Variants in TEKT5 observed in about 807,000 individuals in gnomAD.
The protein encoded by TEKT5 is tektin-5.
A neutral mutation model predicts 48.7 loss-of-function variants in TEKT5; 52 were observed. The observed-to-expected ratio is 1.07, with a 90% confidence interval of 0.86 to 1.35. The LOEUF (loss-of-function observed/expected upper bound fraction) is 1.35. TEKT5 is among the 40% of genes most tolerant of loss of function. The probability of loss-of-function intolerance (pLI) is 0.00; values close to 1 mark genes in which losing one functional copy is unlikely to be tolerated. For missense variants in TEKT5, 831 were observed against 641.6 expected (o/e 1.30, Z -3.19); for synonymous variants, 318 against 267.6 (o/e 1.19, Z -1.84).
At chr16:10,685,533 G>C (rs1898848903) in intron 3 of TEKT5, among the ~76,000 whole-genome samples, 1 of 152,128 alleles carries the variant, frequency 6.6e-6, no homozygotes, top group Non-Finnish European at 1.5e-5. Context: ...CTGACCGCAA[G>C]TGATCCACCC....
intron 5 of TEKT5, among the ~76,000 whole-genome samples, chr16:10,637,521 C>A (rs1345996115): frequency 1.3e-5 from 2 of 152,058 alleles, no homozygotes; most frequent in Admixed American, 6.6e-5. Context: ...TTTTATCTGT[C>A]AAGATATTTT....
chr16:10,694,164 A>C, intron 1 of TEKT5, 146 bp downstream of exon 1: 1 of 722,342 alleles, frequency 1.4e-6, no homozygotes, highest in Non-Finnish European at 2.3e-6. Flanking sequence ...GAATTGACTA[A>C]GATTGTATTA....
chr16:10,679,595 G>A (rs1898708676), intron 4 of TEKT5, among the ~76,000 whole-genome samples: 1 of 151,992 alleles, frequency 6.6e-6, no homozygotes, highest in African/African-American at 2.4e-5. Context: ...ACATAGCCCT[G>A]CTTTAAGAAA....
intron 5 of TEKT5, among the ~76,000 whole-genome samples, chr16:10,639,242 G>C (rs1240089476): frequency 6.6e-6 from 1 of 152,130 alleles, no homozygotes; most frequent in Non-Finnish European, 1.5e-5. Context: ...AGGAGTTCAA[G>C]GTTGCAGTGA....
intron 4 of TEKT5, among the ~76,000 whole-genome samples, chr16:10,677,879 C>T (rs79194806): frequency 0.07 from 10,669 of 152,092 alleles, 758 homozygotes; most frequent in African/African-American, 0.17. Context: ...GATAGTCGGC[C>T]ATGCAGGACT....
chr16:10,670,120 G>T (rs1240766090), intron 5 of TEKT5, among the ~76,000 whole-genome samples: 1 of 152,192 alleles, frequency 6.6e-6, no homozygotes, highest in Non-Finnish European at 1.5e-5. Context: ...GTGACCACTT[G>T]GGAAATAACT....
At chr16:10,681,541 C>T (rs1230191266) in intron 4 of TEKT5, among the ~76,000 whole-genome samples, 2 of 152,064 alleles carry the variant, frequency 1.3e-5, no homozygotes, top group East Asian at 3.8e-4. Context: ...TAAACCACCC[C>T]GCCACCAGCC....
intron 3 of TEKT5, among the ~76,000 whole-genome samples, chr16:10,683,495 C>T (rs971340407): frequency 1.3e-5 from 2 of 152,168 alleles, no homozygotes; most frequent in Admixed American, 1.3e-4. Flanking sequence ...AAGATTACTG[C>T]CAAATTCCAG....
chr16:10,680,773 A>C (rs1017188068), intron 4 of TEKT5, among the ~76,000 whole-genome samples: 1 of 144,934 alleles, frequency 6.9e-6, no homozygotes. Context: ...AAAACCAAAC[A>C]CCGCATATTC....
chr16:10,659,029 C>G (rs1349208395), intron 5 of TEKT5, among the ~76,000 whole-genome samples: 1 of 152,152 alleles, frequency 6.6e-6, no homozygotes, highest in Non-Finnish European at 1.5e-5. Context: ...GGGACCAGAT[C>G]ATTCTGTGTG....
intron 5 of TEKT5, among the ~76,000 whole-genome samples, chr16:10,651,518 G>GATA (rs560569324): frequency 2.4e-3 from 364 of 152,300 alleles, no homozygotes; most frequent in Non-Finnish European, 3.8e-3. Context: ...TAATGATGAT[G>GATA]ATAATAATAA....
chr16:10,656,992 G>C (rs1898273071), intron 5 of TEKT5, among the ~76,000 whole-genome samples: 1 of 152,140 alleles, frequency 6.6e-6, no homozygotes, highest in African/African-American at 2.4e-5. Flanking sequence ...TCCCACCACA[G>C]CCTCTCAAAG....
chr16:10,640,440 A>T (rs1897978222), intron 5 of TEKT5, among the ~76,000 whole-genome samples: 1 of 152,136 alleles, frequency 6.6e-6, no homozygotes, highest in African/African-American at 2.4e-5. Context: ...TAAAAAATAG[A>T]TTTTTTTAAG....
intron 3 of TEKT5, among the ~76,000 whole-genome samples, chr16:10,685,446 T>A (rs769101849): frequency 3.7e-4 from 56 of 152,102 alleles, no homozygotes; most frequent in Non-Finnish European, 2.8e-4. Flanking sequence ...ATTAGAGACA[T>A]GTGTCACCAC....
At chr16:10,691,680 G>A (rs1898979883) in intron 1 of TEKT5, among the ~76,000 whole-genome samples, 1 of 152,180 alleles carries the variant, frequency 6.6e-6, no homozygotes, top group Admixed American at 6.5e-5. Flanking sequence ...CAGACACGGT[G>A]GCTCACGCCT....
rs368631890 is a variant in TEKT5 at position 10,682,040 on chromosome 16, C to T, written c.816G>A (p.Thr272=). 30 of 1,614,154 alleles carry T rather than the reference C, an allele frequency of 1.9e-5. No homozygotes were observed. The highest frequency in any genetic ancestry group is 1.6e-4 in the Middle Eastern group (1 of 6,062). The change falls in exon 4 of 7, where the codon ACG becomes ACA. Residue 272 remains threonine (T), a synonymous_variant. Coordinates refer to ENST00000283025, the MANE Select transcript of TEKT5 (RefSeq NM_144674.2). The part of the protein sequence containing the change: ...IDEKCFNLRN[T]SDCISFFHGM... ...CGTGGAAGAAGCTGATGCAGTCTGA[C>T]GTATTTCTCAGGTTAAAGCACTTCT...
intron 5 of TEKT5, among the ~76,000 whole-genome samples, chr16:10,640,147 C>T (rs1897974446): frequency 7.4e-6 from 1 of 135,988 alleles, no homozygotes; most frequent in African/African-American, 2.7e-5. Context: ...CCCCTTTCTT[C>T]CCCTCCTCCT....
chr16:10,690,968 G>A (rs1456510534), intron 1 of TEKT5, among the ~76,000 whole-genome samples: 1 of 152,284 alleles, frequency 6.6e-6, no homozygotes, highest in African/African-American at 2.4e-5. Context: ...TGAGGTGCTG[G>A]GGATAGCACA....
intron 4 of TEKT5, among the ~76,000 whole-genome samples, chr16:10,678,029 C>T (rs899073374): frequency 2.0e-5 from 3 of 152,190 alleles, no homozygotes; most frequent in African/African-American, 7.2e-5. Context: ...CCTGGCAGAG[C>T]ATGTAAATCC....
Sources: gnomAD v4.1 joint callset for allele counts (sites outside exome capture counted in the v4.1 genomes callset) on GRCh38, gnomAD v4.1.1 for gene constraint, MANE v1.5 for transcripts, NCBI Gene and HGNC (gene_info 2026-07-23, HGNC 2026-07-21) for gene names.